The following CPPED1 variants were observed in gnomAD, a reference collection of about 807,000 sequenced individuals.
CPPED1 encodes the protein calcineurin like phosphoesterase domain containing 1.
Under a neutral mutation model 28.0 loss-of-function variants are expected in CPPED1, and 28 were observed. The ratio of observed to expected loss-of-function variants is 1.00; its 90% confidence interval spans 0.74 to 1.37. The LOEUF is 1.37. Ranked by LOEUF, CPPED1 falls within the 40% of genes most tolerant of loss-of-function variation. The pLI, the probability that CPPED1 is intolerant of heterozygous loss-of-function variation, is 0.00. For missense variants in CPPED1, 504 were observed against 416.5 expected, an observed-to-expected ratio of 1.21 and a Z score of -1.83; for synonymous variants, 198 against 180.2, an observed-to-expected ratio of 1.10 and a Z score of -0.79.
chr16:12,665,161 A>T, intron 3 of CPPED1, 46 bp from the exon 4 acceptor site: 1 of 1,553,030 alleles, frequency 6.4e-7, no homozygotes, highest in Non-Finnish European at 8.7e-7. Context: ...GACTTCCATT[A>T]GGTAACCTAG....
At chr16:12,701,975 G>A (rs1312884932) in intron 3 of CPPED1, among the ~76,000 whole-genome samples, 1 of 152,166 alleles carries the variant, frequency 6.6e-6, no homozygotes, top group Non-Finnish European at 1.5e-5. Context: ...TTATAATTGG[G>A]CTTCCCATGT....
chr16:12,774,899 G>A (rs2080488935), intron 2 of CPPED1, among the ~76,000 whole-genome samples: 1 of 152,160 alleles, frequency 6.6e-6, no homozygotes, highest in Non-Finnish European at 1.5e-5. Context: ...ACGGCTCACT[G>A]AAGCTTGGAC....
At chr16:12,799,067 T>C (rs938534086) in intron 1 of CPPED1, among the ~76,000 whole-genome samples, 1 of 152,082 alleles carries the variant, frequency 6.6e-6, no homozygotes. Context: ...AAATGGGTCT[T>C]AAAGCAAAGC....
Position 12,678,821 on chromosome 16 carries a change from G to A in CPPED1, c.716-13706C>T, listed in dbSNP as rs181586456. On this transcript the variant is annotated intron_variant, in intron 3 of 3. Transcript: ENST00000381774. ...GGGATTTTCTAAGTTAAAAAAAATC[G>A]TATCATCTGCAAATAGGCCATTTTA... Among the ~76,000 whole-genome samples the A allele has an allele frequency of 3.0e-3, 454 of 151,944 alleles. 4 individuals carry two copies. Among genetic ancestry groups the A allele is most frequent in the African/African-American group, 0.01 (432 of 41,408 alleles).
intron 2 of CPPED1, among the ~76,000 whole-genome samples, chr16:12,713,775 C>G (rs919693450): frequency 6.6e-6 from 1 of 152,130 alleles, no homozygotes; most frequent in Non-Finnish European, 1.5e-5. Flanking sequence ...CTCCCCTCCA[C>G]TAATAACAGC....
chr16:12,791,490 C>T (rs1399917676), intron 1 of CPPED1, among the ~76,000 whole-genome samples: 1 of 152,182 alleles, frequency 6.6e-6, no homozygotes, highest in African/African-American at 2.4e-5. Context: ...CCCCAGTCTA[C>T]AGATCTTAAG....
chr16:12,776,473 G>A (rs2080498407), intron 2 of CPPED1, among the ~76,000 whole-genome samples: 1 of 151,792 alleles, frequency 6.6e-6, no homozygotes, highest in Non-Finnish European at 1.5e-5. Context: ...ATTCCCACAT[G>A]TTGTGGAAGG....
chr16:12,717,078 C>T lies in CPPED1; in HGVS notation c.290-12029G>A, dbSNP rs367761119. ...AAGGTGGGGAGGGGGCTTTCCTAAC[C>T]AAAGGTAATAGTAGGGTGAGGGTGG... is the stretch of plus-strand genomic sequence containing the variant. On this transcript the variant is annotated intron_variant, in intron 2 of 3. Transcript: ENST00000381774. 2.0e-5 allele frequency among the ~76,000 whole-genome samples: 3 copies of T among 151,940 alleles called. No individual in the cohort carries two copies. In the South Asian group the frequency reaches 6.2e-4, roughly 32 times the overall value.
chr16:12,709,034 C>T lies in CPPED1; in HGVS notation c.290-3985G>A, dbSNP rs1056233883. Among the ~76,000 whole-genome samples, 10 of 152,140 alleles carry T rather than the reference C, an allele frequency of 6.6e-5. No homozygotes were observed. Among genetic ancestry groups the T allele is most frequent in the African/African-American group, 1.9e-4 (8 of 41,438 alleles). On this transcript the variant is annotated intron_variant, in intron 2 of 3. Transcript: ENST00000381774. This position sits in a 1 kb window ranked among gnomAD's most constrained non-coding sequence, Gnocchi z 4.4. The stretch of plus-strand genomic sequence containing the variant: ...GGCAGAGGTTGCAGTGAGCCAATAT[C>T]GCACTATTGCATTCCAGCCTGGGTG...
Position 12,660,969 on chromosome 16 carries a change from T to A in CPPED1, c.*3917A>T, listed in dbSNP as rs2079790965. 6.6e-6 allele frequency: 1 copy of A among 152,004 alleles called. No homozygotes were observed. 9.4% of individuals were successfully genotyped at this position (152,004 alleles called of 1,614,324 possible). On this transcript the variant is annotated 3_prime_UTR_variant, in exon 4 of 4. Transcript: ENST00000381774. Reference sequence around the variant, plus strand: ...ACTCCACAAATATAAAAATAAAAAATTAGATGTGGTGACACGAGCCTATAG... The same window carrying A: ...ACTCCACAAATATAAAAATAAAAAAATAGATGTGGTGACACGAGCCTATAG...
intron 2 of CPPED1, among the ~76,000 whole-genome samples, chr16:12,724,575 A>G (rs1007087270): frequency 6.6e-6 from 1 of 152,116 alleles, no homozygotes. Context: ...GACACCTTAC[A>G]TCATCCCTTC....
intron 3 of CPPED1, among the ~76,000 whole-genome samples, chr16:12,697,587 C>A (rs1284048318): frequency 6.6e-6 from 1 of 152,182 alleles, no homozygotes; most frequent in African/African-American, 2.4e-5. Context: ...GTAATGGGAA[C>A]ATTTCTCTAA....
At chr16:12,719,143 A>T (rs765682217) in intron 2 of CPPED1, among the ~76,000 whole-genome samples, 3 of 152,050 alleles carry the variant, frequency 2.0e-5, no homozygotes, top group Non-Finnish European at 4.4e-5. Flanking sequence ...TAAGAACAGT[A>T]TGGACTGGGA....
chr16:12,795,001 T>G (rs1389862971), intron 1 of CPPED1, among the ~76,000 whole-genome samples: 1 of 152,238 alleles, frequency 6.6e-6, no homozygotes, highest in African/African-American at 2.4e-5. Context: ...GGAAAAGACA[T>G]TTCCAGAACC....
chr16:12,684,493 C>G (rs2079922601), intron 3 of CPPED1, among the ~76,000 whole-genome samples: 1 of 152,210 alleles, frequency 6.6e-6, no homozygotes, highest in African/African-American at 2.4e-5. Flanking sequence ...AGTGCCAGTA[C>G]AGGACGAGCT....
In CPPED1 at chr16:12,759,838, G is replaced by C. The variant is rs80264881; in HGVS notation, c.289+21347C>G. Among the ~76,000 whole-genome samples the C allele has an allele frequency of 1.9e-3, 289 of 152,320 alleles. 3 individuals carry two copies. The East Asian group carries it at 0.037, about 20-fold the overall frequency. ...TTTCCTGAGGCTCCCCAGCCATGTG[G>C]AACTGTGAGACAATTAAACCCGTAT... On this transcript the variant is annotated intron_variant, in intron 2 of 3. Transcript: ENST00000381774.
At chr16:12,691,677 C>G (rs903737346) in intron 3 of CPPED1, among the ~76,000 whole-genome samples, 5 of 151,876 alleles carry the variant, frequency 3.3e-5, no homozygotes, top group Non-Finnish European at 7.4e-5. Flanking sequence ...ACGGATGAAG[C>G]TGGAACCCAT....
intron 3 of CPPED1, among the ~76,000 whole-genome samples, chr16:12,673,873 C>G (rs1431771427): frequency 1.3e-5 from 2 of 151,962 alleles, no homozygotes; most frequent in African/African-American, 4.8e-5. Flanking sequence ...ATCATAAGAC[C>G]CTGTCTCTAC....
At chr16:12,679,704 CTG>C (rs2079895497) in intron 3 of CPPED1, among the ~76,000 whole-genome samples, 2 of 152,282 alleles carry the variant, frequency 1.3e-5, no homozygotes, top group South Asian at 4.1e-4. Flanking sequence ...ATCCTGAAAA[CTG>C]TATTTCTGAT....
Sources: allele counts gnomAD v4.1 joint callset (sites outside exome capture counted in the v4.1 genomes callset), GRCh38; gene constraint gnomAD v4.1.1; non-coding constraint Gnocchi (gnomAD v3.1); transcripts MANE v1.5; gene names NCBI Gene and HGNC (gene_info 2026-07-23, HGNC 2026-07-21).